DOCK1: variants seen among roughly 807,000 people sequenced by gnomAD.
DOCK1 encodes the protein dedicator of cytokinesis 1.
A neutral mutation model predicts 262.7 loss-of-function variants in DOCK1; 138 were observed. The ratio of observed to expected loss-of-function variants is 0.53; its 90% CI spans 0.46 to 0.61. DOCK1 has a LOEUF of 0.61. Ranked by LOEUF, DOCK1 falls within the 20% of genes least tolerant of loss-of-function variation. The probability of loss-of-function intolerance (pLI) is 0.00; values close to 1 mark genes in which losing one functional copy is unlikely to be tolerated. For missense variants in DOCK1, 1,908 were observed against 2,370.7 expected (o/e 0.80, Z 4.05); for synonymous variants, 866 against 867.4 (o/e 1.00, Z 0.03).
intron 33 of DOCK1, among the ~76,000 whole-genome samples, chr10:127,371,068 C>T (rs1047226506): frequency 4.6e-5 from 7 of 152,208 alleles, no homozygotes; most frequent in African/African-American, 1.7e-4. Context: ...AGATAATAAG[C>T]ATGATTTTGA....
chr10:127,328,629 G>C (rs1390860543), intron 29 of DOCK1, among the ~76,000 whole-genome samples: 4 of 152,178 alleles, frequency 2.6e-5, no homozygotes, highest in African/African-American at 9.6e-5. Context: ...AGGGACGGCA[G>C]GGACGAGAGG....
At chr10:127,222,847 A>G (rs961057759) in intron 27 of DOCK1, among the ~76,000 whole-genome samples, 19 of 95,040 alleles carry the variant, frequency 2.0e-4, no homozygotes, top group African/African-American at 5.8e-4. Flanking sequence ...TTTCTTTCTT[A>G]AAAATTTTTT....
intron 1 of DOCK1, among the ~76,000 whole-genome samples, chr10:126,927,462 A>G (rs1040389212): frequency 6.6e-6 from 1 of 151,564 alleles, no homozygotes; most frequent in Non-Finnish European, 1.5e-5. Flanking sequence ...TTTTTGAGAC[A>G]GGGTCTCACT....
intron 2 of DOCK1, among the ~76,000 whole-genome samples, chr10:126,972,221 C>A (rs893470073): frequency 6.6e-6 from 1 of 152,152 alleles, no homozygotes; most frequent in African/African-American, 2.4e-5. Context: ...CGTCCTGAAG[C>A]AATTGTTATA....
intron 33 of DOCK1, among the ~76,000 whole-genome samples, chr10:127,368,326 A>G (rs981941941): frequency 1.3e-5 from 2 of 151,968 alleles, no homozygotes; most frequent in African/African-American, 4.8e-5. Context: ...AGCACTTTCT[A>G]TGAATCTTTT....
At chr10:127,312,908 C>G (rs993568456) in intron 29 of DOCK1, among the ~76,000 whole-genome samples, 2 of 152,034 alleles carry the variant, frequency 1.3e-5, no homozygotes, top group Admixed American at 6.5e-5. Flanking sequence ...ACACTGAGAC[C>G]ACTTCTCTCT....
chr10:127,032,411 T>C (rs1564748255), intron 18 of DOCK1, 91 bp downstream of exon 18: 1 of 1,365,042 alleles, frequency 7.3e-7, no homozygotes, highest in South Asian at 1.6e-5. Flanking sequence ...GTGTGCTCCG[T>C]AGGTGCATGA....
intron 29 of DOCK1, among the ~76,000 whole-genome samples, chr10:127,280,387 G>A (rs899272182): frequency 3.3e-5 from 5 of 152,226 alleles, no homozygotes; most frequent in African/African-American, 1.2e-4. Flanking sequence ...TGAGTAAAAT[G>A]CCCTGGTAGT....
At chr10:126,948,579 A>T (rs2035833242) in intron 1 of DOCK1, among the ~76,000 whole-genome samples, 1 of 151,918 alleles carries the variant, frequency 6.6e-6, no homozygotes, top group Non-Finnish European at 1.5e-5. Flanking sequence ...AGGCACCCTG[A>T]AACAGGGCCC....
At chr10:127,259,408 C>G (rs566900160) in intron 29 of DOCK1, among the ~76,000 whole-genome samples, 2 of 152,312 alleles carry the variant, frequency 1.3e-5, no homozygotes, top group East Asian at 3.9e-4. Flanking sequence ...TCTTTAATGG[C>G]TGTATTTTGC....
chr10:127,146,082 C>T, intron 27 of DOCK1: 1 of 513,388 alleles, frequency 1.9e-6, no homozygotes, highest in Non-Finnish European at 3.9e-6. Context: ...CGTATTTACC[C>T]CCAGAAAAAT....
intron 29 of DOCK1, among the ~76,000 whole-genome samples, chr10:127,260,184 C>T (rs977554043): frequency 6.6e-6 from 1 of 152,342 alleles, no homozygotes; most frequent in East Asian, 1.9e-4. Flanking sequence ...GCTGCAGCAG[C>T]AGGTTGGTAC....
At chr10:127,190,682 C>CCCCCCG (rs1554912109) in intron 27 of DOCK1, among the ~76,000 whole-genome samples, 4 of 43,740 alleles carry the variant, frequency 9.1e-5, no homozygotes, top group East Asian at 1.8e-3. Flanking sequence ...CCCCCCCCCC[C>CCCCCCG]CGTTCCTGCT....
chr10:127,037,108 G>A (rs2043687137), intron 18 of DOCK1, among the ~76,000 whole-genome samples: 1 of 151,262 alleles, frequency 6.6e-6, no homozygotes, highest in African/African-American at 2.4e-5. Context: ...TATATAAAAT[G>A]CAACAAACAA....
At chr10:127,274,034 G>T (rs1251060653) in intron 29 of DOCK1, among the ~76,000 whole-genome samples, 5 of 152,284 alleles carry the variant, frequency 3.3e-5, no homozygotes, top group Admixed American at 2.0e-4. Context: ...ACGCTTGGGG[G>T]TAAACATGAT....
chr10:127,079,152 A>G (rs762445239), intron 23 of DOCK1, among the ~76,000 whole-genome samples: 2 of 152,222 alleles, frequency 1.3e-5, no homozygotes, highest in Non-Finnish European at 2.9e-5. Context: ...CACCAGATTA[A>G]AGAACATCTC....
intron 27 of DOCK1, among the ~76,000 whole-genome samples, chr10:127,242,446 G>C (rs948961309): frequency 6.6e-6 from 1 of 152,118 alleles, no homozygotes; most frequent in Non-Finnish European, 1.5e-5. Flanking sequence ...ATTGTGCTCT[G>C]TTGGCCTTCT....
At chr10:127,252,565 A>G (rs1333691704) in intron 28 of DOCK1, among the ~76,000 whole-genome samples, 13 of 149,576 alleles carry the variant, frequency 8.7e-5, no homozygotes, top group Non-Finnish European at 1.6e-4. Flanking sequence ...ATTTTTGTAT[A>G]AGGTGTAAGG....
At position 127,425,993 on chromosome 10, in the gene DOCK1, G is replaced by A; in HGVS notation, c.4896G>A (p.Glu1632=). 6.2e-7 allele frequency: 1 copy of A among 1,614,016 alleles called. No homozygotes were observed. The highest frequency in any genetic ancestry group is 8.5e-7 in the Non-Finnish European group (1 of 1,179,900). Residue 1632 remains glutamate, a synonymous_variant, in exon 47 of 52, where the codon GAG becomes GAA. Coordinates refer to ENST00000623213, the MANE Select transcript of DOCK1 (RefSeq NM_001290223.2). ...AGCTGAAGGAAAAGGTGGAGAAAGA[G>A]TACGGCGTCCGAATCATGGTAAGAG... The part of the protein sequence containing the change: ...FKQLKEKVEK[E]YGVRIMPSSL...
Sources: gnomAD v4.1 joint callset for allele counts (sites outside exome capture counted in the v4.1 genomes callset) on GRCh38, gnomAD v4.1.1 for gene constraint, MANE v1.5 for transcripts, NCBI Gene and HGNC (gene_info 2026-07-23, HGNC 2026-07-21) for gene names.